The following CACNG5 variants were observed in gnomAD, a reference collection of about 807,000 sequenced individuals.
CACNG5 encodes the protein calcium voltage-gated channel auxiliary subunit gamma 5.
A neutral mutation model predicts 24.8 loss-of-function variants in CACNG5; 18 were observed. The observed-to-expected ratio is 0.73, with a 90% CI of 0.50 to 1.08. The LOEUF (loss-of-function observed/expected upper bound fraction) is 1.08. Ranked by LOEUF, CACNG5 falls within the 50% of genes least tolerant of loss-of-function variation. The probability of loss-of-function intolerance (pLI) is 0.00; values close to 1 mark genes in which losing one functional copy is unlikely to be tolerated. For synonymous variants in CACNG5, 157 were observed against 149.1 expected (o/e 1.05, Z -0.39); for missense variants, 349 against 367.9 (o/e 0.95, Z 0.42).
chr17:66,849,658 C>T (rs1473798363), intron 1 of CACNG5, among the ~76,000 whole-genome samples: 1 of 152,178 alleles, frequency 6.6e-6, no homozygotes, highest in East Asian at 1.9e-4. Context: ...GGCAGGACAC[C>T]CCTCTCAGCC....
intron 1 of CACNG5, among the ~76,000 whole-genome samples, chr17:66,863,817 T>C (rs1192615850): frequency 6.6e-6 from 1 of 152,254 alleles, no homozygotes; most frequent in African/African-American, 2.4e-5. Flanking sequence ...ACAACTTTCC[T>C]CAATTTTTGT....
At chr17:66,842,247 G>A (rs529291674) in intron 1 of CACNG5, among the ~76,000 whole-genome samples, 1 of 152,318 alleles carries the variant, frequency 6.6e-6, no homozygotes, top group South Asian at 2.1e-4. Flanking sequence ...ATCCTGGCCT[G>A]GGAGGGTTTA....
chr17:66,873,573 G>A (rs528925930), intron 1 of CACNG5, among the ~76,000 whole-genome samples: 11 of 152,132 alleles, frequency 7.2e-5, no homozygotes, highest in South Asian at 2.1e-4. Context: ...AACAGCAGTC[G>A]TGCTTCAGAA....
chr17:66,872,313 A>C (rs528147760), intron 1 of CACNG5, among the ~76,000 whole-genome samples: 18 of 152,226 alleles, frequency 1.2e-4, no homozygotes, highest in Non-Finnish European at 2.4e-4. Context: ...AGAAAAATCA[A>C]ATGAACATGA....
rs1341905298 is a variant in CACNG5 at position 66,887,751 on chromosome 17, C to T, written c.*2511C>T. Among the ~76,000 whole-genome samples the T allele has an allele frequency of 2.0e-5, 3 of 152,192 alleles. No individual in the cohort carries two copies. In the East Asian group the frequency reaches 5.8e-4, roughly 29 times the overall value. Reference sequence around the variant, plus strand: ...ATCACTAGGTTCGGTCTTCACTGGCCCTGATGCTGAGCTGCTAAATGAAGG... The same window carrying T: ...ATCACTAGGTTCGGTCTTCACTGGCTCTGATGCTGAGCTGCTAAATGAAGG... On this transcript the variant is annotated 3_prime_UTR_variant, in exon 6 of 6. Coordinates refer to ENST00000533854, the MANE Select transcript of CACNG5 (RefSeq NM_145811.3).
intron 4 of CACNG5, among the ~76,000 whole-genome samples, chr17:66,883,584 G>A (rs1977196885): frequency 1.3e-5 from 2 of 152,214 alleles, no homozygotes. Flanking sequence ...CACAATGGCA[G>A]TAGGAGGTTG....
chr17:66,889,498 G>C lies in CACNG5; in HGVS notation c.*4258G>C, dbSNP rs189110369. ...TCCCTAGATACAGGTGGTCTATCAG[G>C]GTTCTCCAGAAAAACAGAATCAACA... is the stretch of plus-strand genomic sequence containing the variant. On this transcript the variant is annotated 3_prime_UTR_variant, in exon 6 of 6. Transcript: ENST00000533854. 3.3e-4 allele frequency among the ~76,000 whole-genome samples: 50 copies of C among 152,308 alleles called. 1 individual carries two copies. Among genetic ancestry groups the C allele is most frequent in the Admixed American group, 2.4e-3 (37 of 15,304 alleles).
At chr17:66,870,791 T>C (rs1335549688) in intron 1 of CACNG5, among the ~76,000 whole-genome samples, 1 of 152,170 alleles carries the variant, frequency 6.6e-6, no homozygotes, top group Non-Finnish European at 1.5e-5. Context: ...CCAGCCTGGC[T>C]GACCTGGTGA....
chr17:66,887,208 T>G lies in CACNG5; in HGVS notation c.*1968T>G, dbSNP rs1977273616. Among the ~76,000 whole-genome samples, 1 of 152,162 alleles carries G rather than the reference T, an allele frequency of 6.6e-6. No homozygotes were observed. The highest frequency in any genetic ancestry group is 2.4e-5 in the African/African-American group (1 of 41,436). On this transcript the variant is annotated 3_prime_UTR_variant, in exon 6 of 6. Transcript: ENST00000533854. ...GGAGAAGGGTAAGAGAAGCCAGTTC[T>G]GGTCCCAATTCAGCCACTCATTCAC...
intron 1 of CACNG5, among the ~76,000 whole-genome samples, chr17:66,871,863 A>G (rs56034423): frequency 0.062 from 9,374 of 152,150 alleles, 423 homozygotes; most frequent in African/African-American, 0.13. Flanking sequence ...CCATCTCAAA[A>G]AGAAACAAAC....
At chr17:66,852,111 T>G (rs1976715202) in intron 1 of CACNG5, among the ~76,000 whole-genome samples, 1 of 152,218 alleles carries the variant, frequency 6.6e-6, no homozygotes. Context: ...TTCTTTCCCC[T>G]GGAGGTGGGA....
intron 4 of CACNG5, among the ~76,000 whole-genome samples, chr17:66,883,707 A>G (rs1266994930): frequency 1.3e-5 from 2 of 152,216 alleles, no homozygotes; most frequent in East Asian, 3.9e-4. Flanking sequence ...TGTTGGACAG[A>G]CCATGGGCCA....
rs1405879746 is a variant in CACNG5 at position 66,845,600 on chromosome 17, A to AGC, written c.-104+10351_-104+10352dup. ...TTGTCTGTGCTCCCGTGGCATCCCC[A>AGC]GCACACCTCCATCAGCCAACTTGCC... On this transcript the variant is annotated intron_variant, in intron 1 of 5. Coordinates refer to ENST00000533854, the MANE Select transcript of CACNG5 (RefSeq NM_145811.3). Among the ~76,000 whole-genome samples, 18 of 152,176 alleles carry AGC rather than the reference A, an allele frequency of 1.2e-4. 2 individuals carry two copies. The East Asian group carries it at 3.5e-3, about 29-fold the overall frequency.
At position 66,881,136 on chromosome 17, in the gene CACNG5, G is replaced by A. The variant is rs182291147; in HGVS notation, c.424+439G>A. On this transcript the variant is annotated intron_variant, in intron 4 of 5. Coordinates refer to ENST00000533854, the MANE Select transcript of CACNG5 (RefSeq NM_145811.3). ...CAGTTATTCAGACAGAATTGAGTCA[G>A]AGATGGAGGAAACATCTGAGGACCC... Among the ~76,000 whole-genome samples, 45 of 152,306 alleles carry A rather than the reference G, an allele frequency of 3.0e-4. No homozygotes were observed. The East Asian group carries it at 8.7e-3, about 29-fold the overall frequency.
At chr17:66,854,192 G>A (rs891425370) in intron 1 of CACNG5, among the ~76,000 whole-genome samples, 19 of 152,218 alleles carry the variant, frequency 1.2e-4, no homozygotes, top group Non-Finnish European at 2.2e-4. Context: ...CACTTTGGGA[G>A]GCCGAGGCGG....
At chr17:66,836,090 G>A (rs1367217221) in intron 1 of CACNG5, among the ~76,000 whole-genome samples, 1 of 152,186 alleles carries the variant, frequency 6.6e-6, no homozygotes, top group Non-Finnish European at 1.5e-5. Flanking sequence ...CTCATATTCT[G>A]ACTAGCTTCT....
chr17:66,853,469 A>T (rs984486117), intron 1 of CACNG5, among the ~76,000 whole-genome samples: 1 of 152,238 alleles, frequency 6.6e-6, no homozygotes, highest in African/African-American at 2.4e-5. Flanking sequence ...CCAGCAACAT[A>T]TGAGAGCTGC....
rs1462611700 is a variant in CACNG5, at chr17:66,890,858, T to G, written c.*5618T>G. 2.0e-5 allele frequency among the ~76,000 whole-genome samples: 3 copies of G among 152,200 alleles called. No homozygotes were observed. The highest frequency in any genetic ancestry group is 7.2e-5 in the African/African-American group (3 of 41,458). On this transcript the variant is annotated 3_prime_UTR_variant, in exon 6 of 6. Transcript: ENST00000533854. ...GCAAAATGCAACCAAGCTCAAGTAG[T>G]AGACTCCTCCCAGCCCCTGCCTCCT...
chr17:66,846,967 A>G (rs934384142), intron 1 of CACNG5, among the ~76,000 whole-genome samples: 4 of 152,260 alleles, frequency 2.6e-5, no homozygotes, highest in African/African-American at 9.6e-5. Flanking sequence ...GTGGTTACCC[A>G]TGTTTTACAG....
Sources: gnomAD v4.1 joint callset for allele counts (sites outside exome capture counted in the v4.1 genomes callset) on GRCh38, gnomAD v4.1.1 for gene constraint, MANE v1.5 for transcripts, NCBI Gene and HGNC (gene_info 2026-07-23, HGNC 2026-07-21) for gene names.